Variants in SMAD2 observed in about 807,000 individuals in gnomAD.
SMAD2 encodes MAD homolog 2.
A neutral mutation model predicts 64.4 loss-of-function variants in SMAD2; 8 were observed. The ratio of observed to expected loss-of-function variants is 0.12; its 90% CI spans 0.07 to 0.22. The LOEUF (loss-of-function observed/expected upper bound fraction) is 0.22, where lower values mean the gene tolerates loss of function less well. Ranked by LOEUF, SMAD2 falls within the 10% of genes least tolerant of loss-of-function variation. The probability of loss-of-function intolerance (pLI) is 1.00; values close to 1 mark genes in which losing one functional copy is unlikely to be tolerated. For missense variants in SMAD2, 289 were observed against 561.2 expected, an observed-to-expected ratio of 0.51 and a Z score of 4.90; for synonymous variants, 203 against 195.8, an observed-to-expected ratio of 1.04 and a Z score of -0.31.
chr18:47,852,129 T>C (rs1483770555), intron 6 of SMAD2, among the ~76,000 whole-genome samples: 1 of 152,214 alleles, frequency 6.6e-6, no homozygotes, highest in Non-Finnish European at 1.5e-5. Context: ...GTCTGTTCTT[T>C]TCTTTTGCGA....
rs539876980 is a variant in SMAD2 at position 47,907,945 on chromosome 18, C to G, written c.-53-11136G>C. On this transcript the variant is annotated intron_variant, in intron 1 of 10. Transcript: ENST00000262160. ...AGAGTGAGACTCTATCTCAAAAACA[C>G]TCACAGAACTGAACATTTGAAGTCT... Among the ~76,000 whole-genome samples, 8 of 152,336 alleles carry G rather than the reference C, an allele frequency of 5.3e-5. No homozygotes were observed. The East Asian group carries it at 1.2e-3, about 22-fold the overall frequency.
intron 10 of SMAD2, among the ~76,000 whole-genome samples, chr18:47,844,001 A>G (rs771971127): frequency 6.6e-6 from 1 of 152,206 alleles, no homozygotes; most frequent in East Asian, 1.9e-4. Flanking sequence ...ATTAGACAAT[A>G]TAATTTAAAT....
Position 47,868,397 on chromosome 18 carries a change from T to C in SMAD2, c.581A>G (p.Asp194Gly). 1 of 1,610,640 alleles carries C rather than the reference T, an allele frequency of 6.2e-7. No individual in the cohort carries two copies. Among genetic ancestry groups the C allele is most frequent in the Non-Finnish European group, 8.5e-7 (1 of 1,177,318 alleles). Reference protein sequence around the residue: ...TEILTELPPLDDYTHSIPENT... With the variant: ...TEILTELPPLGDYTHSIPENT... ...TTCTGGAATGGAGTGAGTATAGTCA[T>C]CCAGAGGCGGAAGTTCTGTTAGGAT... The change falls in exon 5 of 11, where the codon GAT (aspartate) becomes GGT (glycine). Residue 194 changes from aspartate (D) to glycine (G), a missense_variant. By Grantham distance (94) the Asp-to-Gly change is moderately conservative. Around this residue, in one of 6 missense-constraint regions of SMAD2, gnomAD observed 119 missense variants for 156.7 expected, o/e 0.76. Coordinates refer to ENST00000262160, the MANE Select transcript of SMAD2 (RefSeq NM_005901.6).
Position 47,826,300 on chromosome 18 carries a change from G to C in SMAD2, c.*15527C>G, listed in dbSNP as rs1026120769. ...AGTACAGTAACCTGTTAAATACAAA[G>C]CAAGGGTGTGGTAGATTGACTGCAT... On this transcript the variant is annotated 3_prime_UTR_variant, in exon 11 of 11. Coordinates refer to ENST00000262160, the MANE Select transcript of SMAD2 (RefSeq NM_005901.6). The C allele has an allele frequency of 1.3e-5, 2 of 152,188 alleles. No individual in the cohort carries two copies. Among genetic ancestry groups the C allele is most frequent in the African/African-American group, 2.4e-5 (1 of 41,440 alleles). The allele number at this position is 152,188 out of a possible 1,614,324, so 9.4% of individuals were successfully genotyped here.
In SMAD2 at chr18:47,918,184, A is replaced by G. The variant is rs117464988; in HGVS notation, c.-54+12177T>C. Reference sequence around the variant, plus strand: ...TCTGGATAACTAATCCTCTGCCTCAACGTTTACTTTCTGCAAAGGGGAAAA... The same window carrying G: ...TCTGGATAACTAATCCTCTGCCTCAGCGTTTACTTTCTGCAAAGGGGAAAA... On this transcript the variant is annotated intron_variant, in intron 1 of 10. Coordinates refer to ENST00000262160, the MANE Select transcript of SMAD2 (RefSeq NM_005901.6). Among the ~76,000 whole-genome samples the G allele has an allele frequency of 5.9e-5, 9 of 152,312 alleles. No homozygotes were observed. In the East Asian group the frequency reaches 1.7e-3, roughly 29 times the overall value.
chr18:47,858,366 G>A (rs952611861), intron 6 of SMAD2, among the ~76,000 whole-genome samples: 4 of 152,068 alleles, frequency 2.6e-5, no homozygotes, highest in Admixed American at 1.3e-4. Context: ...TTTCAACAAA[G>A]GAGCCAATGT....
intron 1 of SMAD2, among the ~76,000 whole-genome samples, chr18:47,897,631 ATTTT>A (rs1054721547): frequency 6.6e-5 from 10 of 152,070 alleles, no homozygotes; most frequent in East Asian, 1.9e-4. Flanking sequence ...TCTTGAAATT[ATTTT>A]TTTATTTTTA....
intron 2 of SMAD2, among the ~76,000 whole-genome samples, chr18:47,882,167 T>C (rs1568079264): frequency 6.7e-6 from 1 of 148,236 alleles, no homozygotes; most frequent in Non-Finnish European, 1.5e-5. Flanking sequence ...ATTAGAGGCA[T>C]AAGCCATCGC....
At chr18:47,896,485 AT>A in intron 2 of SMAD2, 35 bp downstream of exon 2, 1 of 1,607,396 alleles carries the variant, frequency 6.2e-7, no homozygotes, top group Non-Finnish European at 8.5e-7. Context: ...ATTCCTTGAC[AT>A]AATTTGATCA....
chr18:47,852,938 T>C (rs181249528), intron 6 of SMAD2, among the ~76,000 whole-genome samples: 1 of 152,244 alleles, frequency 6.6e-6, no homozygotes, highest in African/African-American at 2.4e-5. Flanking sequence ...ATATAAAATA[T>C]ATTTTCTTTT....
intron 6 of SMAD2, among the ~76,000 whole-genome samples, chr18:47,855,941 A>G (rs138742230): frequency 2.0e-5 from 3 of 152,310 alleles, no homozygotes; most frequent in African/African-American, 7.2e-5. Flanking sequence ...TATTCACAAT[A>G]GCAAAGATAC....
At chr18:47,865,014 A>G (rs1345896266) in intron 6 of SMAD2, 45 bp downstream of exon 6, 2 of 1,081,984 alleles carry the variant, frequency 1.8e-6, no homozygotes, top group African/African-American at 3.1e-5. Flanking sequence ...AATACAAGAA[A>G]TGTATATCTA....
intron 2 of SMAD2, among the ~76,000 whole-genome samples, chr18:47,889,119 A>G (rs2033059454): frequency 6.6e-6 from 1 of 152,212 alleles, no homozygotes; most frequent in Non-Finnish European, 1.5e-5. Context: ...AAAAGAAAAA[A>G]AAGGAAATGA....
At position 47,823,366 on chromosome 18, in the gene SMAD2, CTT is replaced by C. The variant is rs917044207; in HGVS notation, c.*18459_*18460del. ...ACATCTTTGGTAAAAATCAGGGTAA[CTT>C]TAAGTTTCTGAAGAAAGCTATATGT... is the stretch of plus-strand genomic sequence containing the variant. On this transcript the variant is annotated 3_prime_UTR_variant, in exon 11 of 11. Transcript: ENST00000262160. The C allele has an allele frequency of 2.0e-5, 3 of 152,170 alleles. No individual in the cohort carries two copies. Among genetic ancestry groups the C allele is most frequent in the African/African-American group, 4.8e-5 (2 of 41,434 alleles). 9.4% of individuals were successfully genotyped at this position (152,170 alleles called of 1,614,324 possible).
chr18:47,851,181 C>A, intron 7 of SMAD2, 93 bp downstream of exon 7: 2 of 901,392 alleles, frequency 2.2e-6, no homozygotes, highest in South Asian at 2.8e-5. Flanking sequence ...ATCCCTTTCT[C>A]GGATATATAA....
chr18:47,874,729 T>A (rs2032160235), intron 2 of SMAD2, among the ~76,000 whole-genome samples: 1 of 152,148 alleles, frequency 6.6e-6, no homozygotes, highest in African/African-American at 2.4e-5. Flanking sequence ...TACTCACTAA[T>A]ATATGCATAA....
At chr18:47,886,536 A>G (rs1353629235) in intron 2 of SMAD2, among the ~76,000 whole-genome samples, 1 of 151,876 alleles carries the variant, frequency 6.6e-6, no homozygotes, top group Non-Finnish European at 1.5e-5. Context: ...CCGTTGTCCT[A>G]GCAAATTTCA....
chr18:47,929,291 A>T (rs1048751347), intron 1 of SMAD2, among the ~76,000 whole-genome samples: 1 of 152,244 alleles, frequency 6.6e-6, no homozygotes, highest in African/African-American at 2.4e-5. Context: ...GCATAATAAG[A>T]GCAAATTTAT....
intron 2 of SMAD2, among the ~76,000 whole-genome samples, chr18:47,876,070 A>G (rs570828309): frequency 3.2e-4 from 48 of 152,194 alleles, no homozygotes; most frequent in Middle Eastern, 3.4e-3. Context: ...ACAAAGTACT[A>G]AGGATAGAAA....
Sources: allele counts gnomAD v4.1 joint callset (sites outside exome capture counted in the v4.1 genomes callset), GRCh38; gene constraint gnomAD v4.1.1; regional missense constraint gnomAD v4.1.1; transcripts MANE v1.5; gene names NCBI Gene and HGNC (gene_info 2026-07-23, HGNC 2026-07-21).